Variants in IQCM observed in about 807,000 individuals in gnomAD.
IQCM encodes the protein IQ motif containing M.
Under a neutral mutation model 57.6 loss-of-function variants are expected in IQCM, and 45 were observed. The ratio of observed to expected loss-of-function variants is 0.78; its 90% confidence interval spans 0.62 to 1.00. The LOEUF (loss-of-function observed/expected upper bound fraction) is 1.00. Among genes scored for constraint, IQCM ranks in the 50% least tolerant of loss-of-function variants. The pLI is 0.00. For synonymous variants in IQCM, 148 were observed against 158.9 expected (o/e 0.93, Z 0.51); for missense variants, 468 against 511.6 (o/e 0.91, Z 0.82).
intron 12 of IQCM, among the ~76,000 whole-genome samples, chr4:149,502,614 C>T (rs557400651): frequency 6.6e-6 from 1 of 152,250 alleles, no homozygotes; most frequent in Admixed American, 6.5e-5. Flanking sequence ...GTCGAGGCTG[C>T]AGTGAGCCAT....
chr4:149,413,735 G>A (rs762368822), intron 13 of IQCM, among the ~76,000 whole-genome samples: 6 of 151,976 alleles, frequency 3.9e-5, no homozygotes, highest in Admixed American at 1.3e-4. Context: ...GCTTATTCAC[G>A]TGCTTATATT....
At chr4:149,626,845 C>A (rs866037517) in intron 7 of IQCM, among the ~76,000 whole-genome samples, 1 of 151,890 alleles carries the variant, frequency 6.6e-6, no homozygotes, top group Non-Finnish European at 1.5e-5. Flanking sequence ...TTGAGGAAAG[C>A]AATCAGTGAC....
chr4:149,539,778 T>C (rs1579416429), intron 12 of IQCM, among the ~76,000 whole-genome samples: 1 of 151,958 alleles, frequency 6.6e-6, no homozygotes, highest in East Asian at 1.9e-4. Context: ...GGAAGGAAAA[T>C]CTCTTGAAAC....
At chr4:149,378,165 C>T (rs1271648673) in intron 13 of IQCM, among the ~76,000 whole-genome samples, 1 of 152,092 alleles carries the variant, frequency 6.6e-6, no homozygotes, top group African/African-American at 2.4e-5. Context: ...TCCCCAGCCA[C>T]ACAGAACTGT....
intron 7 of IQCM, among the ~76,000 whole-genome samples, chr4:149,647,096 TTA>T (rs1337710212): frequency 6.6e-6 from 1 of 152,196 alleles, no homozygotes; most frequent in African/African-American, 2.4e-5. Flanking sequence ...TTACTTTTTA[TTA>T]TGTTGTTTGA....
intron 12 of IQCM, among the ~76,000 whole-genome samples, chr4:149,470,928 A>C (rs1739456607): frequency 6.6e-6 from 1 of 152,210 alleles, no homozygotes; most frequent in South Asian, 2.1e-4. Context: ...AATGAGAACA[A>C]AGACACAACA....
At chr4:149,658,020 G>T (rs774840934) in intron 7 of IQCM, among the ~76,000 whole-genome samples, 7 of 151,932 alleles carry the variant, frequency 4.6e-5, no homozygotes, top group Non-Finnish European at 8.8e-5. Flanking sequence ...TTTTCAATTT[G>T]ATGTAATCAT....
At chr4:149,441,099 T>C (rs1192230313) in intron 12 of IQCM, among the ~76,000 whole-genome samples, 1 of 152,156 alleles carries the variant, frequency 6.6e-6, no homozygotes, top group Non-Finnish European at 1.5e-5. Flanking sequence ...AATGCCAAGA[T>C]AAAGTATATT....
At chr4:149,785,090 C>T (rs1313618217) in intron 2 of IQCM, among the ~76,000 whole-genome samples, 2 of 152,122 alleles carry the variant, frequency 1.3e-5, no homozygotes, top group Admixed American at 6.5e-5. Flanking sequence ...GCATCCATGG[C>T]TATAATAGAT....
intron 9 of IQCM, among the ~76,000 whole-genome samples, chr4:149,573,136 T>C (rs1244097989): frequency 2.0e-5 from 3 of 151,764 alleles, no homozygotes; most frequent in African/African-American, 7.2e-5. Context: ...GAAGATTATG[T>C]AATAATTTGA....
chr4:149,461,226 T>G, intron 12 of IQCM, among the ~76,000 whole-genome samples: 1 of 78,868 alleles, frequency 1.3e-5, no homozygotes. Flanking sequence ...AGAGCAAAAC[T>G]CCATCTCAAA....
At chr4:149,590,481 T>G (rs200700500) in intron 8 of IQCM, among the ~76,000 whole-genome samples, 1 of 151,924 alleles carries the variant, frequency 6.6e-6, no homozygotes, top group East Asian at 1.9e-4. Context: ...CTTTAAGTTC[T>G]GGGATACATG....
chr4:149,692,834 A>G (rs936356877), intron 5 of IQCM, among the ~76,000 whole-genome samples: 2 of 152,192 alleles, frequency 1.3e-5, no homozygotes, highest in African/African-American at 4.8e-5. Flanking sequence ...TTCAGTTCTG[A>G]AATATAAATT....
chr4:149,689,429 G>T (rs1762786414), intron 5 of IQCM, among the ~76,000 whole-genome samples: 1 of 152,088 alleles, frequency 6.6e-6, no homozygotes, highest in African/African-American at 2.4e-5. Flanking sequence ...AACATTAGGA[G>T]AAATACTTAA....
intron 5 of IQCM, among the ~76,000 whole-genome samples, chr4:149,713,606 C>T (rs1293477117): frequency 2.6e-5 from 4 of 152,200 alleles, no homozygotes; most frequent in Non-Finnish European, 4.4e-5. Context: ...CCTGCCCTTA[C>T]TTTCAGCTGC....
chr4:149,360,486 G>GT (rs1330433170), intron 13 of IQCM, among the ~76,000 whole-genome samples: 1 of 152,104 alleles, frequency 6.6e-6, no homozygotes, highest in Non-Finnish European at 1.5e-5. Context: ...TTATAATATG[G>GT]TTTGGCTGTG....
intron 13 of IQCM, among the ~76,000 whole-genome samples, chr4:149,382,524 T>C (rs772581676): frequency 4.6e-5 from 7 of 152,110 alleles, no homozygotes; most frequent in Admixed American, 1.3e-4. Flanking sequence ...CATGGCATAT[T>C]ATAATTCTAA....
At chr4:149,584,345 A>G (rs1195362148) in intron 9 of IQCM, among the ~76,000 whole-genome samples, 3 of 151,660 alleles carry the variant, frequency 2.0e-5, no homozygotes, top group Non-Finnish European at 4.4e-5. Flanking sequence ...AGGAAGTAGA[A>G]AAATTCAGAT....
intron 7 of IQCM, among the ~76,000 whole-genome samples, chr4:149,644,649 G>A (rs1758488994): frequency 6.6e-6 from 1 of 152,140 alleles, no homozygotes; most frequent in Non-Finnish European, 1.5e-5. Flanking sequence ...ATTCCTGTAT[G>A]TTCATCCTGG....
Sources: allele counts gnomAD v4.1 joint callset (sites outside exome capture counted in the v4.1 genomes callset), GRCh38; gene constraint gnomAD v4.1.1; transcripts MANE v1.5; gene names NCBI Gene and HGNC (gene_info 2026-07-23, HGNC 2026-07-21).